Variants in HK2 observed in about 807,000 individuals in gnomAD.
The protein encoded by HK2 is hexokinase 2.
In HK2, 42 loss-of-function variants were observed where a neutral mutation model predicts 92.9. The observed-to-expected ratio is 0.45, with a 90% CI of 0.35 to 0.58. HK2 has a LOEUF of 0.58. HK2 is among the 20% of genes least tolerant of loss of function. The probability of loss-of-function intolerance (pLI) is 0.00; values close to 1 mark genes in which losing one functional copy is unlikely to be tolerated. For synonymous variants in HK2, 422 were observed against 468.0 expected, an observed-to-expected ratio of 0.90 and a Z score of 1.27; for missense variants, 978 against 1,245.1, an observed-to-expected ratio of 0.79 and a Z score of 3.23.
At chr2:74,867,419 G>A (rs762504120) in intron 2 of HK2, among the ~76,000 whole-genome samples, 13 of 152,034 alleles carry the variant, frequency 8.6e-5, no homozygotes, top group Non-Finnish European at 1.5e-4. Flanking sequence ...ACAGCCCTGT[G>A]AGTTTCCAGT....
chr2:74,861,768 A>G (rs1213602039), intron 2 of HK2, among the ~76,000 whole-genome samples: 1 of 152,222 alleles, frequency 6.6e-6, no homozygotes, highest in Non-Finnish European at 1.5e-5. Context: ...TCATTCCAAT[A>G]AGAAGCTCAA....
Position 74,867,681 on chromosome 2 carries a change from G to A in HK2, c.272G>A (p.Arg91His), listed in dbSNP as rs746133519. ...CTGGATCTTGGAGGGACCAACTTCCGTGTGCTTTGGGTGAAAGTAACGGAC... is the reference window on the plus strand; with the variant it reads ...CTGGATCTTGGAGGGACCAACTTCCATGTGCTTTGGGTGAAAGTAACGGAC... ...LALDLGGTNFRVLWVKVTDNG... is the reference protein window; with the variant it reads ...LALDLGGTNFHVLWVKVTDNG... Residue 91 changes from arginine (R) to histidine (H), a missense_variant, in exon 3 of 18, where the codon CGT becomes CAT. By Grantham distance (29) the Arg-to-His change is conservative. Coordinates refer to ENST00000290573, the MANE Select transcript of HK2 (RefSeq NM_000189.5). The A allele has an allele frequency of 1.2e-5, 19 of 1,613,872 alleles. No individual in the cohort carries two copies. In the East Asian group the frequency reaches 2.2e-4, roughly 19 times the overall value.
chr2:74,875,002 G>C (rs938372914), intron 7 of HK2, among the ~76,000 whole-genome samples: 1 of 152,192 alleles, frequency 6.6e-6, no homozygotes, highest in African/African-American at 2.4e-5. Flanking sequence ...TATGTCCTGG[G>C]ATGGATTGGA....
At chr2:74,863,244 C>T (rs1032767229) in intron 2 of HK2, among the ~76,000 whole-genome samples, 3 of 152,242 alleles carry the variant, frequency 2.0e-5, no homozygotes, top group Non-Finnish European at 2.9e-5. Flanking sequence ...CCCCTCCCTT[C>T]AGTTGGAGCA....
chr2:74,881,673 C>A (rs756606092), intron 10 of HK2, 38 bp from the exon 11 acceptor site: 5 of 1,611,520 alleles, frequency 3.1e-6, no homozygotes, highest in South Asian at 1.1e-5. Flanking sequence ...TCCCCATGTT[C>A]TGCCCCAACT....
chr2:74,881,205 G>GA (rs1241916331), intron 10 of HK2, among the ~76,000 whole-genome samples: 1 of 152,200 alleles, frequency 6.6e-6, no homozygotes, highest in African/African-American at 2.4e-5. Context: ...GGCCTTTACA[G>GA]AAAAAGATTT....
intron 1 of HK2, among the ~76,000 whole-genome samples, chr2:74,839,017 A>G (rs1418050297): frequency 6.6e-6 from 1 of 152,214 alleles, no homozygotes; most frequent in African/African-American, 2.4e-5. Context: ...CCTGTAATAG[A>G]CATAGCTCAT....
chr2:74,855,098 G>A (rs1228005629), intron 2 of HK2, among the ~76,000 whole-genome samples: 2 of 152,206 alleles, frequency 1.3e-5, no homozygotes, highest in Non-Finnish European at 2.9e-5. Flanking sequence ...CTGGGTTCAA[G>A]TGATTCTCCT....
chr2:74,877,069 T>C, intron 7 of HK2, 97 bp from the exon 8 acceptor site: 1 of 1,489,698 alleles, frequency 6.7e-7, no homozygotes, highest in Non-Finnish European at 9.3e-7. Context: ...TAACCCTTAG[T>C]TGTGAAGTTG....
chr2:74,888,938 G>A (rs1314519835), intron 16 of HK2, among the ~76,000 whole-genome samples: 1 of 152,162 alleles, frequency 6.6e-6, no homozygotes, highest in Admixed American at 6.5e-5. Context: ...CTTTGTAACT[G>A]ACCACTGTGA....
rs373781772 is a variant in HK2, at chr2:74,877,342, C to G, written c.1031+21C>G. 157 of 1,613,982 alleles carry G rather than the reference C, an allele frequency of 9.7e-5. No homozygotes were observed. In the African/African-American group the frequency reaches 1.9e-3, roughly 19 times the overall value. On this transcript the variant is annotated intron_variant, in intron 8 of 17. Transcript: ENST00000290573. The stretch of plus-strand genomic sequence containing the variant: ...GAAGGGTGAGCTTCTGGCCAGCCCC[C>G]TCTATTTGCTGGATCACCACACGAG...
intron 16 of HK2, among the ~76,000 whole-genome samples, chr2:74,888,261 TTG>T: frequency 6.6e-6 from 1 of 152,256 alleles, no homozygotes; most frequent in Admixed American, 6.5e-5. Flanking sequence ...TCATGAAAGT[TTG>T]TGCTAAGCCT....
At position 74,891,243 on chromosome 2, in the gene HK2, T is replaced by C. The variant is rs1689670558; in HGVS notation, c.*302T>C. 2.5e-6 allele frequency: 1 copy of C among 405,310 alleles called. No homozygotes were observed. The highest frequency in any genetic ancestry group is 4.7e-6 in the Non-Finnish European group (1 of 214,652). 25.1% of individuals were successfully genotyped at this position (405,310 alleles called of 1,614,324 possible). ...TCCCCCTTGCCAAATTCCATGTCCCTGTATAATTCTACAGGATGGGGACAC... is the reference window on the plus strand; with the variant it reads ...TCCCCCTTGCCAAATTCCATGTCCCCGTATAATTCTACAGGATGGGGACAC... On this transcript the variant is annotated 3_prime_UTR_variant, in exon 18 of 18. Transcript: ENST00000290573.
chr2:74,876,702 AACGG>A (rs2103971573), intron 7 of HK2, among the ~76,000 whole-genome samples: 2 of 152,290 alleles, frequency 1.3e-5, no homozygotes, highest in East Asian at 3.9e-4. Context: ...GGAGCCCATG[AACGG>A]CTTGCAGGGG....
At chr2:74,873,739 G>A in intron 5 of HK2, 105 bp from the exon 6 acceptor site, 1 of 741,344 alleles carries the variant, frequency 1.3e-6, no homozygotes, top group Non-Finnish European at 2.4e-6. Context: ...AGGGGGGAGA[G>A]AGAGAGAAGG....
rs1689200062 is a variant in HK2, at chr2:74,875,326, C to CA, written c.875+877_875+878insA. ...GGTAACCCAGGAGAGTCCTTGCTTT[C>CA]GTTTTTTTTTTTTTTTTTTTGAGAC... On this transcript the variant is annotated intron_variant, in intron 7 of 17. Coordinates refer to ENST00000290573, the MANE Select transcript of HK2 (RefSeq NM_000189.5). Among the ~76,000 whole-genome samples, 7 of 100,624 alleles carry CA rather than the reference C, an allele frequency of 7.0e-5. No individual in the cohort carries two copies. The South Asian group carries it at 2.5e-3, about 36-fold the overall frequency. 66.0% of individuals were successfully genotyped at this position (100,624 alleles called of 152,430 possible).
In HK2 at chr2:74,890,724, C is replaced by A; in HGVS notation, c.2610-73C>A. 1.9e-6 allele frequency: 3 copies of A among 1,546,878 alleles called. No individual in the cohort carries two copies. In the South Asian group the frequency reaches 3.4e-5, roughly 17 times the overall value. On this transcript the variant is annotated intron_variant, in intron 17 of 17. Transcript: ENST00000290573. Reference sequence around the variant, plus strand: ...GTTTCCAGCATCGCTTCTTAGCTTTCATTTCTAAGTGCAAATACAAACCAA... The same window carrying A: ...GTTTCCAGCATCGCTTCTTAGCTTTAATTTCTAAGTGCAAATACAAACCAA...
In HK2 at chr2:74,878,914, C is replaced by T; in HGVS notation, c.1258C>T (p.His420Tyr). 6.4e-7 allele frequency: 1 copy of T among 1,551,034 alleles called. No homozygotes were observed. Among genetic ancestry groups the T allele is most frequent in the Non-Finnish European group, 8.7e-7 (1 of 1,146,692 alleles). The change falls in exon 9 of 18, where the codon CAC becomes TAC. Residue 420 changes from histidine (H) to tyrosine (Y), a missense_variant. Transcript: ENST00000290573. ...GGTCGACGGTTCCGTCTACAAGAAA[C>T]ACCCCCAGTGAGTCAGTGTGCAGGG... is the stretch of plus-strand genomic sequence containing the variant. ...IGVDGSVYKK[H>Y]PHFAKRLHKT...
chr2:74,888,813 ACAGTT>A (rs1343896703), intron 16 of HK2, among the ~76,000 whole-genome samples: 28 of 152,284 alleles, frequency 1.8e-4, no homozygotes, highest in African/African-American at 6.5e-4. Context: ...GCATATAAAT[ACAGTT>A]CAGACCACCC....
Sources: gnomAD v4.1 joint callset for allele counts (sites outside exome capture counted in the v4.1 genomes callset) on GRCh38, gnomAD v4.1.1 for gene constraint, MANE v1.5 for transcripts, NCBI Gene and HGNC (gene_info 2026-07-23, HGNC 2026-07-21) for gene names.